CFAP58: variants seen among roughly 807,000 people sequenced by gnomAD.
CFAP58 encodes cilia and flagella associated protein 58, also known as cilia- and flagella-associated protein 58.
CFAP58 carries 88 observed loss-of-function variants against 119.5 expected under a neutral mutation model. The ratio of observed to expected loss-of-function variants is 0.74; its 90% CI spans 0.62 to 0.88. The LOEUF is 0.88. Among genes scored for constraint, CFAP58 ranks in the 40% least tolerant of loss-of-function variants. The pLI, the probability that CFAP58 is intolerant of heterozygous loss-of-function variation, is 0.00. For missense variants in CFAP58, 990 were observed against 1,021.2 expected, an observed-to-expected ratio of 0.97 and a Z score of 0.42; for synonymous variants, 365 against 366.3, an observed-to-expected ratio of 1.00 and a Z score of 0.04.
chr10:104,379,569 C>A (rs1349815647), intron 8 of CFAP58, among the ~76,000 whole-genome samples: 1 of 152,174 alleles, frequency 6.6e-6, no homozygotes, highest in Non-Finnish European at 1.5e-5. Context: ...TTTTATTAAG[C>A]TGCTTTTTAT....
chr10:104,382,056 C>A lies in CFAP58; in HGVS notation c.1365+1836C>A, dbSNP rs1284980733. 7.0e-6 allele frequency: 5 copies of A among 716,112 alleles called. 1 individual carries two copies. The highest frequency in any genetic ancestry group is 1.3e-5 in the Non-Finnish European group (5 of 384,190). The allele number at this position is 716,112 out of a possible 1,614,324, so 44.4% of individuals were successfully genotyped here. A position where few individuals can be genotyped will look rare whatever the true frequency, so the allele number is the denominator to read the frequency against. On this transcript the variant is annotated intron_variant, in intron 9 of 17. Transcript: ENST00000369704. ...CTTAGTGGTTCGCAGCAATAAAGAT[C>A]TATGTTTTGCTCATATAACTGGCCT...
the CFAP58 span, among the ~76,000 whole-genome samples, chr10:104,340,665 C>T: frequency 1.3e-5 from 2 of 152,158 alleles, no homozygotes; most frequent in East Asian, 3.8e-4. Flanking sequence ...TAAAATATAT[C>T]AACAACGGAA....
chr10:104,362,007 C>T lies in CFAP58; in HGVS notation c.292-16C>T, dbSNP rs777741258. 12 of 1,611,786 alleles carry T rather than the reference C, an allele frequency of 7.4e-6. No homozygotes were observed. The highest frequency in any genetic ancestry group is 1.0e-5 in the Non-Finnish European group (12 of 1,178,912). On this transcript the variant is annotated splice_polypyrimidine_tract_variant and intron_variant, in intron 2 of 17. Transcript: ENST00000369704. The stretch of plus-strand genomic sequence containing the variant: ...CCAGTTTGGTCTTTCTCACTGATAT[C>T]CTATGGCCCATCTAGGAAATTGAAA...
intron 15 of CFAP58, among the ~76,000 whole-genome samples, chr10:104,438,374 G>GT (rs1331646903): frequency 0.011 from 545 of 51,170 alleles, 8 homozygotes; most frequent in Non-Finnish European, 0.016. Flanking sequence ...TTTTTTTTTT[G>GT]TTTTTTTTTT....
At chr10:104,449,488 G>A (rs951050743) in intron 16 of CFAP58, among the ~76,000 whole-genome samples, 1 of 152,030 alleles carries the variant, frequency 6.6e-6, no homozygotes, top group African/African-American at 2.4e-5. Flanking sequence ...AGCAGCTACC[G>A]AACACAGCAA....
intron 13 of CFAP58, among the ~76,000 whole-genome samples, chr10:104,403,086 C>T (rs1333798998): frequency 6.6e-6 from 1 of 152,176 alleles, no homozygotes; most frequent in Non-Finnish European, 1.5e-5. Flanking sequence ...TGTGTCCCCA[C>T]CCACATCTCA....
intron 15 of CFAP58, among the ~76,000 whole-genome samples, chr10:104,431,298 G>A (rs541181340): frequency 6.6e-6 from 1 of 152,288 alleles, no homozygotes; most frequent in African/African-American, 2.4e-5. Flanking sequence ...GAAGAGACAA[G>A]CATGTAAACA....
chr10:104,449,251 A>C (rs781551858), intron 16 of CFAP58, among the ~76,000 whole-genome samples: 2 of 152,094 alleles, frequency 1.3e-5, no homozygotes, highest in African/African-American at 2.4e-5. Context: ...AAGAAGAAAG[A>C]GTTCAGAAGC....
intron 1 of CFAP58, among the ~76,000 whole-genome samples, chr10:104,355,793 T>C (rs2014536047): frequency 6.6e-6 from 1 of 152,264 alleles, no homozygotes; most frequent in Non-Finnish European, 1.5e-5. Context: ...TTATTTTTCC[T>C]TTGCTTTTAA....
At chr10:104,430,256 G>T (rs1477437191) in intron 15 of CFAP58, among the ~76,000 whole-genome samples, 2 of 152,170 alleles carry the variant, frequency 1.3e-5, no homozygotes, top group African/African-American at 4.8e-5. Context: ...ATGGGTCTTA[G>T]TGTCAATGGG....
At chr10:104,419,562 CTTT>C (rs573751667) in intron 15 of CFAP58, among the ~76,000 whole-genome samples, 1 of 143,116 alleles carries the variant, frequency 7.0e-6, no homozygotes. Context: ...TATCTGTGTC[CTTT>C]TTTTTTTTTT....
At chr10:104,363,209 T>G (rs537745876) in intron 3 of CFAP58, among the ~76,000 whole-genome samples, 25 of 152,208 alleles carry the variant, frequency 1.6e-4, no homozygotes, top group Non-Finnish European at 3.5e-4. Flanking sequence ...TATTTGTTGA[T>G]GTGCTTCTCT....
At chr10:104,450,279 C>T in intron 17 of CFAP58, 75 bp downstream of exon 17, 1 of 1,502,024 alleles carries the variant, frequency 6.7e-7, no homozygotes, top group Non-Finnish European at 9.2e-7. Context: ...TGAACAGTCA[C>T]AGAGTTGCAA....
At chr10:104,408,492 C>A (rs1173054555) in intron 15 of CFAP58, among the ~76,000 whole-genome samples, 1 of 152,196 alleles carries the variant, frequency 6.6e-6, no homozygotes, top group Non-Finnish European at 1.5e-5. Flanking sequence ...TTTCCCAAGT[C>A]TGTGCAGCTG....
At chr10:104,434,371 G>T (rs1164688781) in intron 15 of CFAP58, among the ~76,000 whole-genome samples, 1 of 152,174 alleles carries the variant, frequency 6.6e-6, no homozygotes, top group African/African-American at 2.4e-5. Flanking sequence ...AGGAAGCTGA[G>T]AATTCATTGT....
intron 17 of CFAP58, among the ~76,000 whole-genome samples, chr10:104,453,654 C>T (rs1436347759): frequency 6.6e-6 from 1 of 151,910 alleles, no homozygotes; most frequent in South Asian, 2.1e-4. Context: ...TAGCAGTTTG[C>T]TTAATTTTTA....
At chr10:104,404,418 G>C (rs1472368269) in intron 14 of CFAP58, among the ~76,000 whole-genome samples, 2 of 152,112 alleles carry the variant, frequency 1.3e-5, no homozygotes, top group Non-Finnish European at 2.9e-5. Context: ...CACCAGCACT[G>C]AAAATGACAG....
intron 7 of CFAP58, among the ~76,000 whole-genome samples, chr10:104,373,244 G>C (rs1404510675): frequency 6.6e-6 from 1 of 152,022 alleles, no homozygotes; most frequent in Non-Finnish European, 1.5e-5. Flanking sequence ...TTGAAAGATG[G>C]AGAGATATAT....
At chr10:104,448,014 A>G (rs563451733) in intron 16 of CFAP58, among the ~76,000 whole-genome samples, 197 bp downstream of exon 16, 1 of 152,362 alleles carries the variant, frequency 6.6e-6, no homozygotes, top group East Asian at 1.9e-4. Context: ...ACTATTAGAC[A>G]GCACCATTCT....
Sources: allele counts gnomAD v4.1 joint callset (sites outside exome capture counted in the v4.1 genomes callset), GRCh38; gene constraint gnomAD v4.1.1; transcripts MANE v1.5; gene names NCBI Gene and HGNC (gene_info 2026-07-23, HGNC 2026-07-21).